CSMD1: variants seen among roughly 807,000 people sequenced by gnomAD.
The protein encoded by CSMD1 is CUB and Sushi multiple domains 1.
In CSMD1, 213 loss-of-function variants were observed where a neutral mutation model predicts 417.5. The observed-to-expected ratio is 0.51, with a 90% confidence interval of 0.46 to 0.57. The LOEUF (loss-of-function observed/expected upper bound fraction) is 0.57. Ranked by LOEUF, CSMD1 falls within the 20% of genes least tolerant of loss-of-function variation. The pLI is 0.00. For missense variants in CSMD1, 6,923 were observed against 4,529.7 expected (o/e 1.53, Z -15.17); for synonymous variants, 2,862 against 1,736.8 (o/e 1.65, Z -16.11).
chr8:3,420,696 T>C (rs1813434153), intron 12 of CSMD1, among the ~76,000 whole-genome samples: 1 of 152,184 alleles, frequency 6.6e-6, no homozygotes, highest in African/African-American at 2.4e-5. Flanking sequence ...TCTAAACTTT[T>C]GGGTCTTAAT....
intron 3 of CSMD1, among the ~76,000 whole-genome samples, chr8:4,103,631 G>T (rs1801417477): frequency 6.6e-6 from 1 of 152,008 alleles, no homozygotes; most frequent in African/African-American, 2.4e-5. Context: ...TAGTCTTAAG[G>T]ATCTTTAAAT....
At chr8:4,284,445 C>A (rs534465168) in intron 3 of CSMD1, among the ~76,000 whole-genome samples, 2 of 150,364 alleles carry the variant, frequency 1.3e-5, no homozygotes, top group African/African-American at 4.9e-5. Flanking sequence ...ACCTCCACTC[C>A]GTGTTCCCTC....
At chr8:4,229,754 C>T (rs1051541397) in intron 3 of CSMD1, among the ~76,000 whole-genome samples, 2 of 152,146 alleles carry the variant, frequency 1.3e-5, no homozygotes, top group South Asian at 2.1e-4. Context: ...TTCTACATAG[C>T]ATATCACAAT....
chr8:4,911,035 A>T (rs1413332369), intron 1 of CSMD1, among the ~76,000 whole-genome samples: 1 of 152,190 alleles, frequency 6.6e-6, no homozygotes, highest in African/African-American at 2.4e-5. Flanking sequence ...GCTGCCATCC[A>T]TGTAAGATGT....
intron 1 of CSMD1, among the ~76,000 whole-genome samples, chr8:4,841,892 C>T (rs1024738047): frequency 1.8e-4 from 4 of 22,362 alleles, no homozygotes; most frequent in Admixed American, 6.7e-4. Context: ...GCCGGGGCAA[C>T]AAGAGCAAAA....
rs73172276 is a variant in CSMD1, at chr8:3,845,051, T to G, written c.819-91009A>C. Among the ~76,000 whole-genome samples, 1,469 of 152,340 alleles carry G rather than the reference T, an allele frequency of 9.6e-3. 10 individuals are homozygous for G. The highest frequency in any genetic ancestry group is 0.015 in the Non-Finnish European group (1,022 of 68,034). On this transcript the variant is annotated intron_variant, in intron 5 of 69. Transcript: ENST00000635120. ...ATTTTATAACACAATAAAGGTCTCCTGTGATTAGACTTTCATATTATAGTT... is the reference window on the plus strand; with the variant it reads ...ATTTTATAACACAATAAAGGTCTCCGGTGATTAGACTTTCATATTATAGTT...
intron 54 of CSMD1, among the ~76,000 whole-genome samples, chr8:2,981,126 G>A (rs1312548931): frequency 1.3e-5 from 2 of 152,190 alleles, no homozygotes; most frequent in Admixed American, 6.5e-5. Flanking sequence ...AACAGGGCAG[G>A]AATAATTTGA....
chr8:4,797,838 G>C (rs1453345531), intron 1 of CSMD1, among the ~76,000 whole-genome samples: 3 of 152,088 alleles, frequency 2.0e-5, no homozygotes, highest in African/African-American at 7.2e-5. Flanking sequence ...TAATTATCAA[G>C]AGAAACCATA....
intron 3 of CSMD1, among the ~76,000 whole-genome samples, chr8:4,086,304 C>G (rs1045330602): frequency 3.9e-5 from 6 of 152,172 alleles, no homozygotes; most frequent in African/African-American, 1.4e-4. Flanking sequence ...AAACAGTCAT[C>G]AGACAGAAGT....
At chr8:2,975,651 T>A (rs1196616011) in intron 55 of CSMD1, among the ~76,000 whole-genome samples, 2 of 152,240 alleles carry the variant, frequency 1.3e-5, no homozygotes, top group African/African-American at 4.8e-5. Context: ...AGTGAAATGC[T>A]GGATAAATGA....
At position 4,187,758 on chromosome 8, in the gene CSMD1, T is replaced by C. The variant is rs543800544; in HGVS notation, c.416-155659A>G. Among the ~76,000 whole-genome samples, 12 of 147,168 alleles carry C rather than the reference T, an allele frequency of 8.2e-5. No homozygotes were observed. The South Asian group carries it at 2.2e-3, about 27-fold the overall frequency. On this transcript the variant is annotated intron_variant, in intron 3 of 69. Transcript: ENST00000635120. ...CACCATAAATGAACACTCAGAGAAA[T>C]ATATTTCACTCTCACCATATAGTAA...
chr8:4,720,158 C>G (rs1002373135), intron 1 of CSMD1, among the ~76,000 whole-genome samples: 1 of 120,730 alleles, frequency 8.3e-6, no homozygotes, highest in African/African-American at 2.8e-5. Context: ...TAGACGTATA[C>G]ATACATATAA....
intron 3 of CSMD1, among the ~76,000 whole-genome samples, chr8:4,369,396 G>A (rs780244630): frequency 6.6e-6 from 1 of 152,268 alleles, no homozygotes; most frequent in South Asian, 2.1e-4. Context: ...GCCATGTGCA[G>A]GTAAGAAGAA....
intron 6 of CSMD1, among the ~76,000 whole-genome samples, chr8:3,727,568 A>G (rs1802565822): frequency 6.6e-6 from 1 of 152,236 alleles, no homozygotes; most frequent in African/African-American, 2.4e-5. Flanking sequence ...GTTCCTCGAA[A>G]AAATACTAAT....
At position 3,937,594 on chromosome 8, in the gene CSMD1, G is replaced by A. The variant is rs545146157; in HGVS notation, c.818+60309C>T. The stretch of plus-strand genomic sequence containing the variant: ...TGTCATGTAAATATAACTTTAATAT[G>A]CACTGGGGAACCCACAATATCATGT... On this transcript the variant is annotated intron_variant, in intron 5 of 69. Transcript: ENST00000635120. Among the ~76,000 whole-genome samples, 96 of 152,204 alleles carry A rather than the reference G, an allele frequency of 6.3e-4. 1 individual carries two copies. In the Middle Eastern group the frequency reaches 0.014, roughly 22 times the overall value.
chr8:3,487,487 C>T (rs1563084842), intron 11 of CSMD1, among the ~76,000 whole-genome samples: 2 of 152,198 alleles, frequency 1.3e-5, no homozygotes, highest in African/African-American at 2.4e-5. Context: ...AGGCATGAGC[C>T]ACCATGCCCG....
At chr8:3,196,844 C>T (rs1211231938) in intron 33 of CSMD1, among the ~76,000 whole-genome samples, 2 of 152,042 alleles carry the variant, frequency 1.3e-5, no homozygotes, top group Non-Finnish European at 2.9e-5. Flanking sequence ...TGACCATGCC[C>T]GTTCATTCAA....
At position 3,666,433 on chromosome 8, in the gene CSMD1, A is replaced by G. The variant is rs569939015; in HGVS notation, c.1009+41981T>C. On this transcript the variant is annotated intron_variant, in intron 7 of 69. Coordinates refer to ENST00000635120, the MANE Select transcript of CSMD1 (RefSeq NM_033225.6). ...CTGATTTTAATGTATACTTGCTAAA[A>G]TAATTAAGACAGAAATACTGAATCA... Among the ~76,000 whole-genome samples the G allele has an allele frequency of 1.3e-4, 20 of 152,340 alleles. No homozygotes were observed. In the South Asian group the frequency reaches 1.9e-3, roughly 14 times the overall value.
chr8:3,809,303 A>G (rs1434306080), intron 5 of CSMD1, among the ~76,000 whole-genome samples: 2 of 152,154 alleles, frequency 1.3e-5, no homozygotes, highest in Non-Finnish European at 2.9e-5. Flanking sequence ...TGCACCTTTC[A>G]TTGAAAGTTC....
Sources: allele counts gnomAD v4.1 joint callset (sites outside exome capture counted in the v4.1 genomes callset), GRCh38; gene constraint gnomAD v4.1.1; transcripts MANE v1.5; gene names NCBI Gene and HGNC (gene_info 2026-07-23, HGNC 2026-07-21).